Variants in MLIP observed in about 807,000 individuals in gnomAD.
The protein encoded by MLIP is muscular LMNA interacting protein, also known as muscular LMNA-interacting protein.
Under a neutral mutation model 84.8 loss-of-function variants are expected in MLIP, and 79 were observed. That is an observed-to-expected ratio of 0.93 (90% CI 0.78 to 1.12). MLIP has a LOEUF of 1.12. MLIP is among the 50% of genes most tolerant of loss of function. The pLI, the probability that MLIP is intolerant of heterozygous loss-of-function variation, is 0.00. For missense variants in MLIP, 1,257 were observed against 1,160.6 expected (o/e 1.08, Z -1.21); for synonymous variants, 504 against 463.0 (o/e 1.09, Z -1.14).
chr6:54,082,421 G>A (rs533574510), intron 1 of MLIP, among the ~76,000 whole-genome samples: 3 of 152,184 alleles, frequency 2.0e-5, no homozygotes, highest in Non-Finnish European at 2.9e-5. Context: ...TGTAAGAACA[G>A]CATGGGTGAA....
intron 9 of MLIP, among the ~76,000 whole-genome samples, chr6:54,172,192 C>T (rs543579578): frequency 2.6e-5 from 4 of 151,592 alleles, no homozygotes; most frequent in East Asian, 1.9e-4. Flanking sequence ...GATTACTACA[C>T]GTTGTATGTC....
intron 11 of MLIP, among the ~76,000 whole-genome samples, chr6:54,211,850 C>T (rs1303793180): frequency 6.6e-6 from 1 of 152,346 alleles, no homozygotes; most frequent in Non-Finnish European, 1.5e-5. Flanking sequence ...ACTCTCTGCT[C>T]CAATACTATG....
chr6:54,205,191 A>T (rs987950694), intron 11 of MLIP, among the ~76,000 whole-genome samples: 35 of 152,384 alleles, frequency 2.3e-4, no homozygotes, highest in African/African-American at 7.7e-4. Context: ...TTAAAAAATA[A>T]CTTGAATAAT....
intron 3 of MLIP, among the ~76,000 whole-genome samples, chr6:54,133,890 G>A (rs113018370): frequency 8.3e-4 from 127 of 152,222 alleles, no homozygotes; most frequent in Middle Eastern, 3.4e-3. Context: ...GGCAAGGGGG[G>A]CTCAGGGAAC....
chr6:54,234,117 AT>A (rs1203165123), intron 12 of MLIP, among the ~76,000 whole-genome samples: 2 of 152,072 alleles, frequency 1.3e-5, no homozygotes, highest in African/African-American at 2.4e-5. Context: ...AGAAGGATAG[AT>A]TGCAAAAATT....
chr6:54,020,875 T>A (rs1763460335), intron 1 of MLIP, among the ~76,000 whole-genome samples: 1 of 152,096 alleles, frequency 6.6e-6, no homozygotes, highest in South Asian at 2.1e-4. Context: ...AGAGAGGCTG[T>A]TCTAGGGGTG....
At chr6:54,202,777 G>T (rs932261137) in intron 11 of MLIP, among the ~76,000 whole-genome samples, 1 of 151,704 alleles carries the variant, frequency 6.6e-6, no homozygotes, top group East Asian at 1.9e-4. Context: ...GTGTGCCTGT[G>T]GTCCCAGCTA....
chr6:54,027,210 A>G (rs1763856594), intron 1 of MLIP, among the ~76,000 whole-genome samples: 1 of 152,204 alleles, frequency 6.6e-6, no homozygotes, highest in Non-Finnish European at 1.5e-5. Flanking sequence ...GAAATAACAA[A>G]GATTCAGGAA....
At chr6:54,121,803 TCA>T (rs1331279743) in intron 2 of MLIP, among the ~76,000 whole-genome samples, 1 of 152,222 alleles carries the variant, frequency 6.6e-6, no homozygotes, top group African/African-American at 2.4e-5. Context: ...TCAATTTTTT[TCA>T]GTTTGACATC....
intron 12 of MLIP, among the ~76,000 whole-genome samples, chr6:54,231,370 T>C (rs1388802199): frequency 6.6e-6 from 1 of 152,186 alleles, no homozygotes; most frequent in Admixed American, 6.6e-5. Flanking sequence ...AAAATAATAT[T>C]CACATTTTAC....
intron 1 of MLIP, among the ~76,000 whole-genome samples, chr6:54,100,676 A>G (rs996556457): frequency 1.3e-5 from 2 of 152,054 alleles, no homozygotes; most frequent in Non-Finnish European, 2.9e-5. Context: ...GCACTGTCTT[A>G]TTTTCTCTGT....
intron 12 of MLIP, among the ~76,000 whole-genome samples, chr6:54,247,479 A>C (rs1232137291): frequency 6.6e-6 from 1 of 152,160 alleles, no homozygotes; most frequent in African/African-American, 2.4e-5. Flanking sequence ...AGTGCCTGAC[A>C]GGACCATATA....
At chr6:54,208,631 A>G (rs1455965937) in intron 11 of MLIP, among the ~76,000 whole-genome samples, 1 of 152,186 alleles carries the variant, frequency 6.6e-6, no homozygotes, top group Admixed American at 6.5e-5. Context: ...ATGCATTCAT[A>G]TGTTTTATTT....
intron 10 of MLIP, among the ~76,000 whole-genome samples, chr6:54,197,397 C>A (rs1778374125): frequency 6.6e-6 from 1 of 151,936 alleles, no homozygotes; most frequent in Non-Finnish European, 1.5e-5. Flanking sequence ...CACTATAGTT[C>A]CTGACACAGA....
chr6:54,055,438 A>G (rs1765608978), intron 1 of MLIP, among the ~76,000 whole-genome samples: 1 of 152,186 alleles, frequency 6.6e-6, no homozygotes, highest in Non-Finnish European at 1.5e-5. Context: ...AAAATATCTT[A>G]TTTTATGGAA....
intron 1 of MLIP, among the ~76,000 whole-genome samples, chr6:54,089,947 A>G (rs1767752757): frequency 6.6e-6 from 1 of 152,098 alleles, no homozygotes; most frequent in South Asian, 2.1e-4. Context: ...GTCTGCATAC[A>G]CCACTACCAA....
In MLIP at chr6:54,257,362, G is replaced by C. The variant is rs747881206; in HGVS notation, c.2976+1G>C. On this transcript the variant is annotated splice_donor_variant, in intron 13 of 13. Coordinates refer to ENST00000502396, the MANE Select transcript of MLIP (RefSeq NM_001281747.2). LOFTEE classifies it high-confidence loss of function. ...ACATGAAGCTCTTGATTCCAAAGAGGTAAATGTAAGATAGGACTGGATATC... is the reference window on the plus strand; with the variant it reads ...ACATGAAGCTCTTGATTCCAAAGAGCTAAATGTAAGATAGGACTGGATATC... The C allele has an allele frequency of 1.9e-6, 3 of 1,603,738 alleles. No individual in the cohort carries two copies. Among genetic ancestry groups the C allele is most frequent in the Non-Finnish European group, 2.6e-6 (3 of 1,171,092 alleles).
rs1478565824 is a variant in MLIP, at chr6:54,065,708, T to C, written c.63+46617T>C. Among the ~76,000 whole-genome samples, 3 of 99,664 alleles carry C rather than the reference T, an allele frequency of 3.0e-5. 1 individual carries two copies. The East Asian group carries it at 8.1e-4, about 27-fold the overall frequency. The allele number at this position is 99,664 out of a possible 152,430, so 65.4% of individuals were successfully genotyped here. A position where few individuals can be genotyped will look rare whatever the true frequency, so the allele number is the denominator to read the frequency against. Reference sequence around the variant, plus strand: ...CACTCTCTTGTGTTTCCAGCTATTTTTCCCATGGGTTACCCAGTTCCTCTC... The same window carrying C: ...CACTCTCTTGTGTTTCCAGCTATTTCTCCCATGGGTTACCCAGTTCCTCTC... On this transcript the variant is annotated intron_variant, in intron 1 of 12. Coordinates refer to the MLIP transcript ENST00000274897.
chr6:54,098,609 A>T (rs934736746), intron 1 of MLIP, among the ~76,000 whole-genome samples: 8 of 152,120 alleles, frequency 5.3e-5, no homozygotes, highest in African/African-American at 1.9e-4. Context: ...GGGGAAAAAA[A>T]GTCAACTATT....
Sources: gnomAD v4.1 joint callset for allele counts (sites outside exome capture counted in the v4.1 genomes callset) on GRCh38, gnomAD v4.1.1 for gene constraint, MANE v1.5 for transcripts, NCBI Gene and HGNC (gene_info 2026-07-23, HGNC 2026-07-21) for gene names.